Variants in HSPA12A observed in about 807,000 individuals in gnomAD.
HSPA12A encodes heat shock 70 kDa protein 12A.
A neutral mutation model predicts 69.2 loss-of-function variants in HSPA12A; 28 were observed. The ratio of observed to expected loss-of-function variants is 0.40; its 90% CI spans 0.30 to 0.55. The LOEUF (loss-of-function observed/expected upper bound fraction) is 0.55, where lower values mean the gene tolerates loss of function less well. Ranked by LOEUF, HSPA12A falls within the 20% of genes least tolerant of loss-of-function variation. The pLI is 0.38. For synonymous variants in HSPA12A, 345 were observed against 370.5 expected (o/e 0.93, Z 0.79); for missense variants, 686 against 900.7 (o/e 0.76, Z 3.05).
chr10:116,756,388 T>C (rs1331874454), intron 2 of HSPA12A, among the ~76,000 whole-genome samples: 1 of 152,260 alleles, frequency 6.6e-6, no homozygotes, highest in Non-Finnish European at 1.5e-5. Context: ...CAGCAAATAC[T>C]TGATTCGAGA....
intron 2 of HSPA12A, among the ~76,000 whole-genome samples, chr10:116,752,786 C>T (rs1851802860): frequency 6.6e-6 from 1 of 152,142 alleles, no homozygotes; most frequent in African/African-American, 2.4e-5. Context: ...TTGACATGAA[C>T]CCTTTTATAC....
At chr10:116,781,402 C>T (rs755631003) in intron 2 of HSPA12A, among the ~76,000 whole-genome samples, 6 of 152,168 alleles carry the variant, frequency 3.9e-5, no homozygotes, top group Non-Finnish European at 7.3e-5. Flanking sequence ...GGTCAGGCCT[C>T]AGTGATTTCA....
intron 2 of HSPA12A, among the ~76,000 whole-genome samples, chr10:116,825,561 C>A (rs1845486973): frequency 6.6e-6 from 1 of 152,028 alleles, no homozygotes. Context: ...CATGGATGAA[C>A]CTTAAAAACA....
chr10:116,774,210 C>A (rs1325222866), intron 2 of HSPA12A, among the ~76,000 whole-genome samples: 1 of 152,022 alleles, frequency 6.6e-6, no homozygotes, highest in African/African-American at 2.4e-5. Flanking sequence ...GGGGTTTCAC[C>A]GTTTTAGCCG....
At chr10:116,774,550 G>T (rs1041705830) in intron 2 of HSPA12A, among the ~76,000 whole-genome samples, 10 of 151,296 alleles carry the variant, frequency 6.6e-5, no homozygotes, top group African/African-American at 2.4e-4. Flanking sequence ...AGAACCCCTG[G>T]AATAAAGAAA....
Position 116,750,171 on chromosome 10 carries a change from G to T in HSPA12A, c.92-42886C>A, listed in dbSNP as rs964416111. 3 of 626,116 alleles carry T rather than the reference G, an allele frequency of 4.8e-6. No homozygotes were observed. The African/African-American group carries it at 5.4e-5, about 11-fold the overall frequency. 38.8% of individuals were successfully genotyped at this position (626,116 alleles called of 1,614,324 possible). ...CTACCAAAACATGGTGTGAAGGTTG[G>T]CCTGACAAATTATGCTGCGGCACAT... On this transcript the variant is annotated intron_variant, in intron 2 of 12. Transcript: ENST00000635765.
intron 2 of HSPA12A, among the ~76,000 whole-genome samples, chr10:116,784,441 G>A (rs183255757): frequency 1.8e-4 from 27 of 152,314 alleles, no homozygotes; most frequent in East Asian, 1.4e-3. Flanking sequence ...TCCTATTAGC[G>A]TGTAAGCTCC....
rs1249118126 is a variant in HSPA12A at position 116,833,082 on chromosome 10, C to T, written c.91+1853G>A. On this transcript the variant is annotated intron_variant, in intron 2 of 12. Coordinates refer to the HSPA12A transcript ENST00000635765. ...GATTGGGTCTGAGATTTTCATAAAA[C>T]AAACATTGCTTTTTCCAGTTCACTT... 3 of 152,196 alleles carry T rather than the reference C, an allele frequency of 2.0e-5. No individual in the cohort carries two copies. The East Asian group carries it at 5.8e-4, about 29-fold the overall frequency. 9.4% of individuals were successfully genotyped at this position (152,196 alleles called of 1,614,324 possible). A position where few individuals can be genotyped will look rare whatever the true frequency, so the allele number is the denominator to read the frequency against.
At chr10:116,712,977 A>AACATATATATATATAT (rs1850482043) in intron 1 of HSPA12A, among the ~76,000 whole-genome samples, 1 of 80,858 alleles carries the variant, frequency 1.2e-5, no homozygotes, top group Non-Finnish European at 2.2e-5. Context: ...TAAAAAATGC[A>AACATATATATATATAT]ATATATATAT....
chr10:116,766,443 G>C (rs1343650475), intron 2 of HSPA12A, among the ~76,000 whole-genome samples: 1 of 152,100 alleles, frequency 6.6e-6, no homozygotes, highest in East Asian at 1.9e-4. Flanking sequence ...AAGCTCCTCT[G>C]GATGCCCCTA....
chr10:116,822,121 G>A (rs1440718113), intron 2 of HSPA12A, among the ~76,000 whole-genome samples: 1 of 152,196 alleles, frequency 6.6e-6, no homozygotes, highest in Admixed American at 6.5e-5. Flanking sequence ...TTTATCTGAG[G>A]ACATGGGATG....
chr10:116,799,985 T>C (rs900061415), intron 2 of HSPA12A, among the ~76,000 whole-genome samples: 2 of 152,138 alleles, frequency 1.3e-5, no homozygotes, highest in Non-Finnish European at 2.9e-5. Flanking sequence ...TTCGTCGCCA[T>C]GGTTTGTTTT....
chr10:116,735,198 G>A (rs575828781), intron 1 of HSPA12A, among the ~76,000 whole-genome samples: 1 of 152,358 alleles, frequency 6.6e-6, no homozygotes, highest in South Asian at 2.1e-4. Flanking sequence ...TAAGAAGTGA[G>A]ATCTAACCTA....
chr10:116,776,115 C>T (rs1844331681), intron 2 of HSPA12A, among the ~76,000 whole-genome samples: 1 of 152,244 alleles, frequency 6.6e-6, no homozygotes, highest in African/African-American at 2.4e-5. Flanking sequence ...GCCACTGCTC[C>T]TGGTTCCCAG....
At chr10:116,720,782 C>T (rs1383032154) in intron 1 of HSPA12A, among the ~76,000 whole-genome samples, 1 of 152,186 alleles carries the variant, frequency 6.6e-6, no homozygotes, top group African/African-American at 2.4e-5. Flanking sequence ...GGGAGGTGTG[C>T]AGGAACCTGC....
At position 116,698,713 on chromosome 10, in the gene HSPA12A, C is replaced by T. The variant is rs782794664; in HGVS notation, c.468G>A (p.Thr156=). 2.2e-5 allele frequency: 35 copies of T among 1,613,936 alleles called. No individual in the cohort carries two copies. The highest frequency in any genetic ancestry group is 3.3e-5 in the Admixed American group (2 of 60,004). The change falls in exon 5 of 12, where the codon ACG becomes ACA. Residue 156 remains threonine (T), a synonymous_variant. Transcript: ENST00000369209. The part of the protein sequence containing the change: ...TGDLTMDTDL[T]AANGKKVKAL... The stretch of plus-strand genomic sequence containing the variant: ...CTTTGACTTTCTTGCCATTTGCTGC[C>T]GTCAGGTCTGTATCCATGGTGAGGT...
intron 2 of HSPA12A, among the ~76,000 whole-genome samples, chr10:116,804,715 A>G (rs762195963): frequency 6.6e-6 from 1 of 152,152 alleles, no homozygotes; most frequent in Non-Finnish European, 1.5e-5. Flanking sequence ...TTTCCCCCTC[A>G]GTAAATGCTT....
upstream of HSPA12A, among the ~76,000 whole-genome samples, chr10:116,744,134 C>A (rs751152419): frequency 3.3e-5 from 5 of 152,232 alleles, no homozygotes; most frequent in African/African-American, 9.6e-5. Context: ...CCCCACCCTA[C>A]TCCAGCTCCA....
chr10:116,823,625 G>A (rs995372908), intron 2 of HSPA12A, among the ~76,000 whole-genome samples: 2 of 152,144 alleles, frequency 1.3e-5, no homozygotes, highest in East Asian at 1.9e-4. Context: ...TTTTTGACAA[G>A]GGGGTGAAGA....
Sources: gnomAD v4.1 joint callset for allele counts (sites outside exome capture counted in the v4.1 genomes callset) on GRCh38, gnomAD v4.1.1 for gene constraint, MANE v1.5 for transcripts, NCBI Gene and HGNC (gene_info 2026-07-23, HGNC 2026-07-21) for gene names.